The following QTGAL variants were observed in gnomAD, a reference collection of about 807,000 sequenced individuals.
QTGAL encodes queuosine-tRNA galactosyltransferase, also known as BGnT-like protein 1.
At chr17:82,960,099 G>A in the QTGAL span, among the ~76,000 whole-genome samples, 2 of 152,218 alleles carry the variant, frequency 1.3e-5, no homozygotes, top group Non-Finnish European at 2.9e-5. Flanking sequence ...CGGCCAAGGT[G>A]CCGGTGGGCA....
chr17:82,970,574 G>GCGTGGCCGCGACCTCCCCACCCA, the QTGAL span, among the ~76,000 whole-genome samples: 7 of 72,476 alleles, frequency 9.7e-5, no homozygotes, highest in African/African-American at 2.4e-4. Context: ...CTCCGCACCC[G>GCGTGGCCGCGACCTCCCCACCCA]GCGTGGCCGC....
At chr17:83,002,502 G>C in the QTGAL span, among the ~76,000 whole-genome samples, 2 of 152,224 alleles carry the variant, frequency 1.3e-5, no homozygotes, top group Non-Finnish European at 2.9e-5. Flanking sequence ...CTAGTCACCA[G>C]GACACGCGCC....
At chr17:82,956,630 G>A in the QTGAL span, 247 of 1,454,608 alleles carry the variant, frequency 1.7e-4, 1 homozygote, top group Non-Finnish European at 2.2e-4. The surrounding 1 kb of genome is among the most constrained non-coding windows in gnomAD (Gnocchi z 5.7). Flanking sequence ...ACAGCAGGGC[G>A]GGTTGTCCAG....
At chr17:82,998,763 C>T in the QTGAL span, among the ~76,000 whole-genome samples, 1 of 152,090 alleles carries the variant, frequency 6.6e-6, no homozygotes, top group South Asian at 2.1e-4. Flanking sequence ...AATATATAAA[C>T]AACTCTTAAA....
the QTGAL span, among the ~76,000 whole-genome samples, chr17:83,017,362 C>A: frequency 6.6e-6 from 1 of 152,198 alleles, no homozygotes; most frequent in African/African-American, 2.4e-5. Context: ...GTAGCTCATG[C>A]CTGTAATCCC....
the QTGAL span, among the ~76,000 whole-genome samples, chr17:82,994,732 A>C: frequency 1.3e-4 from 20 of 152,318 alleles, no homozygotes; most frequent in Middle Eastern, 6.8e-3. Flanking sequence ...AACCAGACAA[A>C]GACACATAAA....
At chr17:82,967,972 C>CT in the QTGAL span, among the ~76,000 whole-genome samples, 5 of 152,086 alleles carry the variant, frequency 3.3e-5, no homozygotes, top group Non-Finnish European at 5.9e-5. Flanking sequence ...AAAATAAACA[C>CT]TGACAGTACC....
chr17:83,018,997 C>A, the QTGAL span, among the ~76,000 whole-genome samples: 1 of 152,212 alleles, frequency 6.6e-6, no homozygotes, highest in Admixed American at 6.5e-5. Flanking sequence ...TTCCTGCCCC[C>A]TGACGTTGTG....
chr17:82,954,529 G>A, the QTGAL span, among the ~76,000 whole-genome samples: 17 of 152,244 alleles, frequency 1.1e-4, no homozygotes, highest in African/African-American at 3.8e-4. Context: ...CCCGTGGATA[G>A]GAAGAATCAA....
chr17:83,009,075 G>C, the QTGAL span, among the ~76,000 whole-genome samples: 16 of 152,106 alleles, frequency 1.1e-4, no homozygotes, highest in Admixed American at 1.0e-3. Context: ...TCACACAGAA[G>C]GAAACTCACA....
At chr17:83,043,854 G>C in the QTGAL span, among the ~76,000 whole-genome samples, 2 of 152,240 alleles carry the variant, frequency 1.3e-5, no homozygotes, top group African/African-American at 4.8e-5. Flanking sequence ...TTATGACAGT[G>C]TGAAAAACAA....
chr17:82,959,021 GGT>G, the QTGAL span, among the ~76,000 whole-genome samples: 2 of 16,160 alleles, frequency 1.2e-4, no homozygotes, highest in African/African-American at 5.1e-4. Context: ...GGGGGTGTAT[GGT>G]GTGTGTGTAT....
At chr17:83,008,570 G>A in the QTGAL span, among the ~76,000 whole-genome samples, 1 of 152,190 alleles carries the variant, frequency 6.6e-6, no homozygotes, top group African/African-American at 2.4e-5. Flanking sequence ...CTCAAGCACT[G>A]AGAGGTGAGG....
At chr17:82,944,364 C>T in the QTGAL span, 1 of 152,148 alleles carries the variant, frequency 6.6e-6, no homozygotes, top group African/African-American at 2.4e-5. Context: ...TTTCTGGAGC[C>T]CACCAGGGTC....
the QTGAL span, among the ~76,000 whole-genome samples, chr17:82,993,586 A>G: frequency 1.3e-5 from 2 of 152,144 alleles, no homozygotes; most frequent in African/African-American, 4.8e-5. Flanking sequence ...TTCCAGACAG[A>G]AAATCAACAA....
chr17:82,981,313 C>T, the QTGAL span: 1 of 152,236 alleles, frequency 6.6e-6, no homozygotes, highest in African/African-American at 2.4e-5. Flanking sequence ...ACAAAAGTGG[C>T]TCAGAGGAGT....
At chr17:82,973,667 C>T in the QTGAL span, among the ~76,000 whole-genome samples, 12 of 152,202 alleles carry the variant, frequency 7.9e-5, no homozygotes, top group African/African-American at 2.2e-4. Flanking sequence ...GCCTACACCG[C>T]GGGAACCACA....
At chr17:82,973,153 G>C in the QTGAL span, among the ~76,000 whole-genome samples, 1 of 152,324 alleles carries the variant, frequency 6.6e-6, no homozygotes, top group Admixed American at 6.5e-5. Flanking sequence ...GAAAATGGAA[G>C]CACAGACACT....
the QTGAL span, among the ~76,000 whole-genome samples, chr17:83,021,028 C>T: frequency 1.8e-4 from 27 of 152,326 alleles, no homozygotes; most frequent in East Asian, 5.8e-4. Context: ...TGAAGCTGTA[C>T]GTACATTTGT....
Sources: gnomAD v4.1 joint callset for allele counts (sites outside exome capture counted in the v4.1 genomes callset) on GRCh38, gnomAD v4.1.1 for gene constraint, Gnocchi (gnomAD v3.1) non-coding constraint, MANE v1.5 for transcripts, NCBI Gene and HGNC (gene_info 2026-07-23, HGNC 2026-07-21) for gene names.